ERBB4: variants seen among roughly 807,000 people sequenced by gnomAD.
ERBB4 encodes the protein receptor tyrosine-protein kinase erbB-4.
In ERBB4, 42 loss-of-function variants were observed where a neutral mutation model predicts 158.0. The observed-to-expected ratio is 0.27, with a 90% CI of 0.21 to 0.34. ERBB4 has a LOEUF of 0.34. Ranked by LOEUF, ERBB4 falls within the 10% of genes least tolerant of loss-of-function variation. The pLI, the probability that ERBB4 is intolerant of heterozygous loss-of-function variation, is 1.00. For missense variants in ERBB4, 1,333 were observed against 1,624.1 expected, an observed-to-expected ratio of 0.82 and a Z score of 3.08; for synonymous variants, 583 against 558.7, an observed-to-expected ratio of 1.04 and a Z score of -0.61.
At position 212,003,198 on chromosome 2, in the gene ERBB4, A is replaced by G. The variant is rs188062259; in HGVS notation, c.235-55582T>C. 6.1e-3 allele frequency among the ~76,000 whole-genome samples: 358 copies of G among 58,702 alleles called. 9 individuals carry two copies. Among genetic ancestry groups the G allele is most frequent in the East Asian group, 0.015 (27 of 1,752 alleles). 38.5% of individuals were successfully genotyped at this position (58,702 alleles called of 152,430 possible). On this transcript the variant is annotated intron_variant, in intron 2 of 27. Transcript: ENST00000342788. ...GAAAGAAAGAAAGAAAGAAAGAAAGAAAGAAAGACAGAAAGAAGGAAGGAA... is the reference window on the plus strand; with the variant it reads ...GAAAGAAAGAAAGAAAGAAAGAAAGGAAGAAAGACAGAAAGAAGGAAGGAA...
intron 1 of ERBB4, among the ~76,000 whole-genome samples, chr2:212,309,382 A>G (rs1370140053): frequency 6.6e-6 from 1 of 150,948 alleles, no homozygotes; most frequent in Non-Finnish European, 1.5e-5. Context: ...TTATTATAAA[A>G]TAAATGCTTG....
chr2:211,689,678 T>C (rs980366041), intron 12 of ERBB4, among the ~76,000 whole-genome samples: 1 of 152,182 alleles, frequency 6.6e-6, no homozygotes, highest in African/African-American at 2.4e-5. Flanking sequence ...CAAAGATCAA[T>C]TATATTTATG....
chr2:211,630,562 C>T lies in ERBB4; in HGVS notation c.1979G>A (p.Gly660Glu), dbSNP rs2125873055. ...TPLIAAGVIGGLFILVIVGLT... is the reference protein window; with the variant it reads ...TPLIAAGVIGELFILVIVGLT... ...ACCCACAATGACCAGAATGAAGAGCCCACCAATTACTCCAGCTGCAATCAG... is the reference window on the plus strand; with the variant it reads ...ACCCACAATGACCAGAATGAAGAGCTCACCAATTACTCCAGCTGCAATCAG... The change falls in exon 17 of 28, where the codon GGG becomes GAG. Residue 660 changes from glycine (G) to glutamate (E), a missense_variant. This residue lies in a region of ERBB4 where 245 missense variants were observed against 247.5 expected (regional missense o/e 0.99). Transcript: ENST00000342788. The T allele has an allele frequency of 3.1e-6, 5 of 1,613,190 alleles. No individual in the cohort carries two copies. Among genetic ancestry groups the T allele is most frequent in the Non-Finnish European group, 4.2e-6 (5 of 1,179,796 alleles).
In ERBB4 at chr2:211,505,959, C is replaced by CAAAAAAAA. The variant is rs529052924; in HGVS notation, c.2487+55936_2487+55943dup. ...TGGGCGATAGAGCGAGACTCCATCT[C>CAAAAAAAA]AAAAAAAAAAAAAAAAAGTTATAGA... On this transcript the variant is annotated intron_variant, in intron 20 of 27. Coordinates refer to ENST00000342788, the MANE Select transcript of ERBB4 (RefSeq NM_005235.3). Among the ~76,000 whole-genome samples the CAAAAAAAA allele has an allele frequency of 8.3e-4, 79 of 94,642 alleles. 2 individuals are homozygous for CAAAAAAAA. The East Asian group carries it at 0.022, about 26-fold the overall frequency. 62.1% of individuals were successfully genotyped at this position (94,642 alleles called of 152,430 possible). A position where few individuals can be genotyped will look rare whatever the true frequency, so the allele number is the denominator to read the frequency against.
chr2:212,080,413 G>T lies in ERBB4; in HGVS notation c.234+44339C>A, dbSNP rs140377263. Among the ~76,000 whole-genome samples, 255 of 151,338 alleles carry T rather than the reference G, an allele frequency of 1.7e-3. 3 individuals carry two copies. Among genetic ancestry groups the T allele is most frequent in the African/African-American group, 5.8e-3 (239 of 41,274 alleles). On this transcript the variant is annotated intron_variant, in intron 2 of 27. Coordinates refer to ENST00000342788, the MANE Select transcript of ERBB4 (RefSeq NM_005235.3). ...AGGCAAGAAAAAATGATACAGTTGA[G>T]GGGGAGAATTAATAAATCTTTAAGG...
At chr2:211,944,213 TACAC>T (rs1281992779) in intron 3 of ERBB4, among the ~76,000 whole-genome samples, 313 of 29,066 alleles carry the variant, frequency 0.011, 4 homozygotes, top group African/African-American at 0.043. Context: ...TATATATATA[TACAC>T]ACACACACAA....
At chr2:211,385,946 T>C (rs2062675561) in intron 27 of ERBB4, among the ~76,000 whole-genome samples, 1 of 152,194 alleles carries the variant, frequency 6.6e-6, no homozygotes, top group Non-Finnish European at 1.5e-5. Context: ...AAGTTTTAGA[T>C]ATGTAAAAAT....
chr2:211,874,448 G>T (rs1281866440), intron 3 of ERBB4, among the ~76,000 whole-genome samples: 1 of 151,928 alleles, frequency 6.6e-6, no homozygotes, highest in Admixed American at 6.6e-5. Flanking sequence ...CTTCATATTT[G>T]CTTGTGTAAT....
At chr2:212,140,545 A>G (rs1471820693) in intron 1 of ERBB4, among the ~76,000 whole-genome samples, 2 of 150,198 alleles carry the variant, frequency 1.3e-5, no homozygotes, top group Non-Finnish European at 3.0e-5. Flanking sequence ...ATTTTAGGAA[A>G]GGGTAAACAG....
At chr2:212,351,427 A>C (rs1404522437) in intron 1 of ERBB4, among the ~76,000 whole-genome samples, 1 of 152,204 alleles carries the variant, frequency 6.6e-6, no homozygotes, top group Non-Finnish European at 1.5e-5. Context: ...TAGCAAACTA[A>C]AACAGTGAGA....
At chr2:211,651,196 C>A (rs889450763) in intron 16 of ERBB4, among the ~76,000 whole-genome samples, 10 of 152,124 alleles carry the variant, frequency 6.6e-5, no homozygotes, top group African/African-American at 2.4e-4. Flanking sequence ...CAAGATAATA[C>A]CTTATTGCTT....
intron 1 of ERBB4, among the ~76,000 whole-genome samples, chr2:212,286,326 A>G (rs2085960829): frequency 6.6e-6 from 1 of 152,160 alleles, no homozygotes; most frequent in African/African-American, 2.4e-5. Flanking sequence ...GTGATTCATA[A>G]TAAGTATATT....
intron 12 of ERBB4, among the ~76,000 whole-genome samples, chr2:211,686,332 A>T (rs2072562441): frequency 6.6e-6 from 1 of 152,132 alleles, no homozygotes; most frequent in African/African-American, 2.4e-5. Context: ...TAAAATTTTC[A>T]AATGCTTTTT....
At chr2:211,415,313 G>T (rs1449867065) in intron 25 of ERBB4, among the ~76,000 whole-genome samples, 6 of 151,356 alleles carry the variant, frequency 4.0e-5, no homozygotes, top group African/African-American at 1.5e-4. Flanking sequence ...TAGAGGCGGG[G>T]TTTCACCGCG....
chr2:211,539,479 A>G (rs2066740804), intron 20 of ERBB4, among the ~76,000 whole-genome samples: 1 of 152,016 alleles, frequency 6.6e-6, no homozygotes, highest in Non-Finnish European at 1.5e-5. Flanking sequence ...TCCTTACCTA[A>G]GTATTCAAAA....
At chr2:212,070,568 G>A (rs1029497353) in intron 2 of ERBB4, among the ~76,000 whole-genome samples, 1 of 151,928 alleles carries the variant, frequency 6.6e-6, no homozygotes, top group Non-Finnish European at 1.5e-5. Flanking sequence ...TTTTGGCCAG[G>A]GAATCAAGAC....
At chr2:211,879,132 C>G (rs981302147) in intron 3 of ERBB4, among the ~76,000 whole-genome samples, 8 of 151,934 alleles carry the variant, frequency 5.3e-5, no homozygotes, top group Admixed American at 1.3e-4. Context: ...CATTCTTTTC[C>G]CCTAGAATTC....
At chr2:211,881,465 T>A (rs1044728839) in intron 3 of ERBB4, among the ~76,000 whole-genome samples, 2 of 152,102 alleles carry the variant, frequency 1.3e-5, no homozygotes, top group African/African-American at 2.4e-5. Flanking sequence ...AAGGACTACC[T>A]GAGGGCCAGG....
At chr2:211,925,623 C>T (rs537654325) in intron 3 of ERBB4, among the ~76,000 whole-genome samples, 16 of 151,986 alleles carry the variant, frequency 1.1e-4, no homozygotes, top group African/African-American at 3.9e-4. Context: ...CCTTGTGATC[C>T]GCCCACCTCG....
Sources: gnomAD v4.1 joint callset for allele counts (sites outside exome capture counted in the v4.1 genomes callset) on GRCh38, gnomAD v4.1.1 for gene constraint, gnomAD v4.1.1 regional missense constraint, MANE v1.5 for transcripts, NCBI Gene and HGNC (gene_info 2026-07-23, HGNC 2026-07-21) for gene names.